Variants in ADAM19 observed in about 807,000 individuals in gnomAD.
The protein encoded by ADAM19 is ADAM metallopeptidase domain 19, also known as disintegrin and metalloproteinase domain-containing protein 19.
ADAM19 carries 65 observed loss-of-function variants against 114.7 expected under a neutral mutation model. That is an observed-to-expected ratio of 0.57 (90% CI 0.46 to 0.70). The LOEUF is 0.70. Ranked by LOEUF, ADAM19 falls within the 30% of genes least tolerant of loss-of-function variation. The probability of loss-of-function intolerance (pLI) is 0.00; values close to 1 mark genes in which losing one functional copy is unlikely to be tolerated. For synonymous variants in ADAM19, 466 were observed against 460.5 expected, an observed-to-expected ratio of 1.01 and a Z score of -0.15; for missense variants, 1,063 against 1,204.7, an observed-to-expected ratio of 0.88 and a Z score of 1.74.
At chr5:157,521,388 C>T (rs1239965345) in intron 5 of ADAM19, among the ~76,000 whole-genome samples, 2 of 152,170 alleles carry the variant, frequency 1.3e-5, no homozygotes, top group Non-Finnish European at 1.5e-5. Context: ...GAGCTCAGAA[C>T]CTACAGCATC....
intron 8 of ADAM19, among the ~76,000 whole-genome samples, chr5:157,511,977 C>T (rs1263280088): frequency 6.6e-6 from 1 of 152,190 alleles, no homozygotes; most frequent in African/African-American, 2.4e-5. Flanking sequence ...GATACCCAGC[C>T]AAGTCCGAAC....
Position 157,513,551 on chromosome 5 carries a change from A to G in ADAM19, c.667-46T>C. 4 of 1,551,780 alleles carry G rather than the reference A, an allele frequency of 2.6e-6. 1 individual carries two copies. The Middle Eastern group carries it at 5.1e-4, about 196-fold the overall frequency. ...CATGTGAGATCCCAGAACCTCTCAC[A>G]GGATGCTTCCTGCGCCCCATTACTT... On this transcript the variant is annotated intron_variant, in intron 7 of 22. Coordinates refer to ENST00000257527, the MANE Select transcript of ADAM19 (RefSeq NM_033274.5).
In ADAM19 at chr5:157,479,430, TGA is replaced by T. The variant is rs1004802303; in HGVS notation, c.*1517_*1518del. On this transcript the variant is annotated 3_prime_UTR_variant, in exon 23 of 23. Transcript: ENST00000257527. ...AGGCCCCAGGAAAGCCTCAGAGGAG[TGA>T]GAGTCAGGCCAGCTCCTGTCCGGAG... The T allele has an allele frequency of 2.0e-6, 2 of 985,680 alleles. No homozygotes were observed. The highest frequency in any genetic ancestry group is 2.4e-6 in the Non-Finnish European group (2 of 830,008). 61.1% of individuals were successfully genotyped at this position (985,680 alleles called of 1,614,324 possible). A position where few individuals can be genotyped will look rare whatever the true frequency, so the allele number is the denominator to read the frequency against.
At chr5:157,500,027 C>T (rs1755509287) in intron 12 of ADAM19, among the ~76,000 whole-genome samples, 1 of 152,198 alleles carries the variant, frequency 6.6e-6, no homozygotes, top group South Asian at 2.1e-4. Flanking sequence ...GATCCACCTG[C>T]CTCGGCCTCC....
At chr5:157,570,769 C>A in intron 2 of ADAM19, 126 bp downstream of exon 2, 2 of 754,270 alleles carry the variant, frequency 2.7e-6, no homozygotes, top group Middle Eastern at 4.8e-4. Context: ...AAATGGGCAC[C>A]CAGAGGACAG....
intron 2 of ADAM19, 59 bp from the exon 3 acceptor site, chr5:157,564,502 C>A (rs768104800): frequency 1.4e-6 from 2 of 1,470,156 alleles, no homozygotes; most frequent in African/African-American, 1.4e-5. Flanking sequence ...CTCCCTGGGT[C>A]GGGCACAGGA....
chr5:157,507,086 G>A lies in ADAM19; in HGVS notation c.960C>T (p.Cys320=), dbSNP rs372458133. ...TGACTCCTCCAGACTGGTACACAGA[G>A]CACATGGCCATGAGGGGGGCCAGGC... The part of the protein sequence containing the change: ...TIGLAPLMAM[C]SVYQSGGVNM... Residue 320 remains cysteine, a synonymous_variant, in exon 10 of 23, where the codon TGC becomes TGT. Coordinates refer to ENST00000257527, the MANE Select transcript of ADAM19 (RefSeq NM_033274.5). The A allele has an allele frequency of 3.1e-6, 5 of 1,614,052 alleles. No homozygotes were observed. The highest frequency in any genetic ancestry group is 3.3e-5 in the Admixed American group (2 of 60,014).
At chr5:157,488,798 G>A (rs1480106642) in intron 20 of ADAM19, among the ~76,000 whole-genome samples, 1 of 152,118 alleles carries the variant, frequency 6.6e-6, no homozygotes, top group African/African-American at 2.4e-5. Flanking sequence ...TTGGGAGGCC[G>A]AGGCGGGTGG....
chr5:157,479,108 A>G lies in ADAM19; in HGVS notation c.*1841T>C. 4 of 985,782 alleles carry G rather than the reference A, an allele frequency of 4.1e-6. No individual in the cohort carries two copies. Among genetic ancestry groups the G allele is most frequent in the Non-Finnish European group, 4.8e-6 (4 of 829,916 alleles). The allele number at this position is 985,782 out of a possible 1,614,324, so 61.1% of individuals were successfully genotyped here. On this transcript the variant is annotated 3_prime_UTR_variant, in exon 23 of 23. Coordinates refer to ENST00000257527, the MANE Select transcript of ADAM19 (RefSeq NM_033274.5). The stretch of plus-strand genomic sequence containing the variant: ...GGAAAGGTGGGGAATGGATCTCCAC[A>G]GCAAGGATGACCCACAGCAAGGATG...
chr5:157,520,537 G>A (rs1372519846), intron 5 of ADAM19, among the ~76,000 whole-genome samples: 1 of 152,328 alleles, frequency 6.6e-6, no homozygotes. Flanking sequence ...TGAGGTGACC[G>A]AGGTTCTGGA....
intron 10 of ADAM19, 48 bp downstream of exon 10, chr5:157,507,008 A>C: frequency 6.6e-7 from 1 of 1,505,992 alleles, no homozygotes; most frequent in Non-Finnish European, 9.2e-7. Context: ...TGGTCTTGAA[A>C]GGCAGCTCAG....
intron 8 of ADAM19, 23 bp from the exon 9 acceptor site, chr5:157,509,490 C>T (rs371588451): frequency 6.5e-7 from 1 of 1,541,778 alleles, no homozygotes; most frequent in Non-Finnish European, 8.8e-7. Flanking sequence ...AGAAAAACCA[C>T]AGTATCTGTC....
intron 3 of ADAM19, among the ~76,000 whole-genome samples, chr5:157,550,491 C>T (rs1757161242): frequency 6.6e-6 from 1 of 152,168 alleles, no homozygotes; most frequent in Non-Finnish European, 1.5e-5. Flanking sequence ...AGGACTTCAA[C>T]ATATGAGTTT....
intron 7 of ADAM19, among the ~76,000 whole-genome samples, chr5:157,516,935 A>AACACACAC (rs10570308): frequency 2.0e-5 from 3 of 150,366 alleles, no homozygotes; most frequent in African/African-American, 7.3e-5. Context: ...GAAAACATAG[A>AACACACAC]ACACACACAC....
rs1754687553 is a variant in ADAM19 at position 157,479,605 on chromosome 5, T to C, written c.*1344A>G. 3.0e-6 allele frequency: 3 copies of C among 985,676 alleles called. No homozygotes were observed. The highest frequency in any genetic ancestry group is 6.2e-5 in the Admixed American group (1 of 16,248). The allele number at this position is 985,676 out of a possible 1,614,324, so 61.1% of individuals were successfully genotyped here. Reference sequence around the variant, plus strand: ...AGGAGCCACCGCAGACCCCCTCACCTGCTCAGAGCTCTCTTTCTGTGAGGG... The same window carrying C: ...AGGAGCCACCGCAGACCCCCTCACCCGCTCAGAGCTCTCTTTCTGTGAGGG... On this transcript the variant is annotated 3_prime_UTR_variant, in exon 23 of 23. Coordinates refer to ENST00000257527, the MANE Select transcript of ADAM19 (RefSeq NM_033274.5).
At position 157,518,891 on chromosome 5, in the gene ADAM19, A is replaced by G. The variant is rs564014585; in HGVS notation, c.601-3T>C. ...GAGTTTAAATCTTCCCTTTTCATCT[A>G]AGAAAGAGAAACAGATCAGCGCTGT... On this transcript the variant is annotated splice_polypyrimidine_tract_variant and splice_region_variant and intron_variant, in intron 6 of 22. Coordinates refer to ENST00000257527, the MANE Select transcript of ADAM19 (RefSeq NM_033274.5). 87 of 1,613,292 alleles carry G rather than the reference A, an allele frequency of 5.4e-5. No individual in the cohort carries two copies. The East Asian group carries it at 1.2e-3, about 23-fold the overall frequency.
intron 6 of ADAM19, 117 bp downstream of exon 6, chr5:157,519,722 C>T: frequency 1.0e-6 from 1 of 956,538 alleles, no homozygotes; most frequent in Admixed American, 2.5e-5. Flanking sequence ...AACACTATTT[C>T]CTTTTTCTTA....
chr5:157,487,864 G>A (rs1754996855), intron 21 of ADAM19, among the ~76,000 whole-genome samples: 1 of 152,238 alleles, frequency 6.6e-6, no homozygotes, highest in Admixed American at 6.5e-5. Context: ...CTTCCTGGGA[G>A]AAGCGGCATC....
intron 13 of ADAM19, among the ~76,000 whole-genome samples, chr5:157,497,864 A>G (rs1186119143): frequency 1.3e-5 from 2 of 152,238 alleles, no homozygotes; most frequent in African/African-American, 4.8e-5. Flanking sequence ...TTACAGATAA[A>G]GAACCTAGGC....
Sources: allele counts gnomAD v4.1 joint callset (sites outside exome capture counted in the v4.1 genomes callset), GRCh38; gene constraint gnomAD v4.1.1; transcripts MANE v1.5; gene names NCBI Gene and HGNC (gene_info 2026-07-23, HGNC 2026-07-21).